MEF2C: variants seen among roughly 807,000 people sequenced by gnomAD.
The protein encoded by MEF2C is myocyte enhancer factor 2C.
MEF2C carries 6 observed loss-of-function variants against 50.5 expected under a neutral mutation model. That is an observed-to-expected ratio of 0.12 (90% CI 0.07 to 0.23). The LOEUF is 0.23. Among genes scored for constraint, MEF2C ranks in the 10% least tolerant of loss-of-function variants. The probability of loss-of-function intolerance (pLI) is 1.00; values close to 1 mark genes in which losing one functional copy is unlikely to be tolerated. For missense variants in MEF2C, 276 were observed against 605.0 expected, an observed-to-expected ratio of 0.46 and a Z score of 5.70; for synonymous variants, 183 against 228.0, an observed-to-expected ratio of 0.80 and a Z score of 1.78.
chr5:88,760,977 T>C lies in MEF2C; in HGVS notation c.402+208A>G, dbSNP rs764312143. 78 of 1,603,966 alleles carry C rather than the reference T, an allele frequency of 4.9e-5. No individual in the cohort carries two copies. The Admixed American group carries it at 1.3e-3, about 27-fold the overall frequency. On this transcript the variant is annotated intron_variant, in intron 4 of 10. Transcript: ENST00000504921. Reference sequence around the variant, plus strand: ...TTATCAGCAGACCAGCCATCTACCTTTGGTACTTACAGGAATTTTATGACT... The same window carrying C: ...TTATCAGCAGACCAGCCATCTACCTCTGGTACTTACAGGAATTTTATGACT...
At chr5:88,769,479 G>A (rs1781456790) in intron 3 of MEF2C, among the ~76,000 whole-genome samples, 1 of 152,178 alleles carries the variant, frequency 6.6e-6, no homozygotes, top group Admixed American at 6.5e-5. Context: ...GGCCTAGAAT[G>A]GGACTGAGAT....
At chr5:88,753,269 C>A (rs888710519) in intron 4 of MEF2C, among the ~76,000 whole-genome samples, 4 of 152,200 alleles carry the variant, frequency 2.6e-5, no homozygotes, top group African/African-American at 9.6e-5. Context: ...TATTAATTTC[C>A]CATTTTTCTT....
In MEF2C at chr5:88,827,973, G is replaced by C. The variant is rs532234421; in HGVS notation, c.-142-4043C>G. Among the ~76,000 whole-genome samples, 164 of 149,690 alleles carry C rather than the reference G, an allele frequency of 1.1e-3. 1 individual carries two copies. The Middle Eastern group carries it at 0.018, about 16-fold the overall frequency. On this transcript the variant is annotated intron_variant, in intron 1 of 10. Coordinates refer to ENST00000504921, the MANE Select transcript of MEF2C (RefSeq NM_002397.5). The stretch of plus-strand genomic sequence containing the variant: ...GATTCTTATGGTTATTGAGTTTCTC[G>C]AGGTTCTTTAAAAAAATTCAAACTA...
chr5:88,746,781 CA>C (rs1370200780), intron 6 of MEF2C: 4 of 767,220 alleles, frequency 5.2e-6, no homozygotes, highest in Non-Finnish European at 6.3e-6. Flanking sequence ...TAGGACATGA[CA>C]GCTAAGCTTG....
chr5:88,827,906 T>C (rs1811555986), intron 1 of MEF2C, among the ~76,000 whole-genome samples: 1 of 134,110 alleles, frequency 7.5e-6, no homozygotes, highest in Non-Finnish European at 1.6e-5. Flanking sequence ...ATTTGTTTGC[T>C]CCCACATTAA....
intron 5 of MEF2C, among the ~76,000 whole-genome samples, chr5:88,749,855 C>G (rs921419727): frequency 6.6e-6 from 1 of 151,956 alleles, no homozygotes; most frequent in African/African-American, 2.4e-5. Flanking sequence ...ACGGTGAAAC[C>G]CTGTCTCTAC....
At chr5:88,860,669 A>G (rs531288250) in intron 1 of MEF2C, among the ~76,000 whole-genome samples, 1 of 152,182 alleles carries the variant, frequency 6.6e-6, no homozygotes, top group Non-Finnish European at 1.5e-5. Context: ...CACATGCATG[A>G]CATTAAGATG....
intron 2 of MEF2C, among the ~76,000 whole-genome samples, chr5:88,813,003 G>GT (rs1803553815): frequency 6.6e-6 from 1 of 152,062 alleles, no homozygotes; most frequent in South Asian, 2.1e-4. Context: ...TTTAATTAAC[G>GT]TAAGGACTGC....
At chr5:88,896,812 T>A (rs1319297535) in intron 1 of MEF2C, among the ~76,000 whole-genome samples, 1 of 152,182 alleles carries the variant, frequency 6.6e-6, no homozygotes, top group Non-Finnish European at 1.5e-5. Flanking sequence ...CTCCCAACTA[T>A]TCCATTTAAC....
At chr5:88,878,185 A>C (rs1308552022) in intron 1 of MEF2C, among the ~76,000 whole-genome samples, 1 of 152,024 alleles carries the variant, frequency 6.6e-6, no homozygotes, top group Non-Finnish European at 1.5e-5. Flanking sequence ...ATACAGAATG[A>C]AGTTCAATCT....
At chr5:88,734,593 T>TA in intron 6 of MEF2C, 1 of 853,872 alleles carries the variant, frequency 1.2e-6, no homozygotes, top group Non-Finnish European at 1.4e-6. Context: ...TTTTTTTTTT[T>TA]TTTTTAGCAT....
Position 88,823,562 on chromosome 5 carries a change from T to C in MEF2C, c.54+173A>G, listed in dbSNP as rs73179423. Among the ~76,000 whole-genome samples, 497 of 152,066 alleles carry C rather than the reference T, an allele frequency of 3.3e-3. 3 individuals are homozygous for C. Among genetic ancestry groups the C allele is most frequent in the African/African-American group, 0.012 (478 of 41,538 alleles). On this transcript the variant is annotated intron_variant, in intron 2 of 10. Transcript: ENST00000504921. Reference sequence around the variant, plus strand: ...ACTATGTTTCTGACAGATAAAGTGATTTTTTTCTCCTTTATATATAAGAGA... The same window carrying C: ...ACTATGTTTCTGACAGATAAAGTGACTTTTTTCTCCTTTATATATAAGAGA...
intron 6 of MEF2C, among the ~76,000 whole-genome samples, chr5:88,747,728 T>C (rs981490259): frequency 6.6e-6 from 1 of 152,102 alleles, no homozygotes; most frequent in Non-Finnish European, 1.5e-5. Context: ...CAGTGAGATA[T>C]TGGGTAAAAC....
At chr5:88,728,466 T>C (rs1759890104) in intron 10 of MEF2C, 27 bp downstream of exon 10, 3 of 1,387,850 alleles carry the variant, frequency 2.2e-6, no homozygotes, top group Non-Finnish European at 2.8e-6. Flanking sequence ...ATTCTAAAAT[T>C]ATATTATAAA....
chr5:88,777,899 CTTTTT>C (rs57841792), intron 3 of MEF2C, among the ~76,000 whole-genome samples: 76 of 77,314 alleles, frequency 9.8e-4, no homozygotes, highest in Non-Finnish European at 7.5e-4. Flanking sequence ...TTTTTCTTTT[CTTTTT>C]TTTTTTTTTT....
rs1561498326 is a variant in MEF2C at position 88,896,736 on chromosome 5, A to T, written c.-240+7180T>A. On this transcript the variant is annotated intron_variant, in intron 1 of 11. Transcript: ENST00000340208. ...TTTGAACACTACTAAAGTAAGAAACATTCTACAACTTTCTTATTCCTTTTG... is the reference window on the plus strand; with the variant it reads ...TTTGAACACTACTAAAGTAAGAAACTTTCTACAACTTTCTTATTCCTTTTG... Among the ~76,000 whole-genome samples the T allele has an allele frequency of 4.6e-5, 7 of 152,218 alleles. No individual in the cohort carries two copies. In the South Asian group the frequency reaches 1.0e-3, roughly 23 times the overall value.
At chr5:88,856,363 T>TA (rs1236269479) in intron 1 of MEF2C, among the ~76,000 whole-genome samples, 4 of 152,180 alleles carry the variant, frequency 2.6e-5, no homozygotes, top group Non-Finnish European at 5.9e-5. Flanking sequence ...AAACACAGCA[T>TA]AAAAGTTCAG....
At chr5:88,758,876 G>A (rs1054777860) in intron 4 of MEF2C, among the ~76,000 whole-genome samples, 5 of 152,096 alleles carry the variant, frequency 3.3e-5, no homozygotes, top group South Asian at 2.1e-4. Context: ...AACTCTTTAC[G>A]TAACAGGCTG....
rs192831616 is a variant in MEF2C, at chr5:88,718,346, G to A, written c.*4258C>T. 1 of 152,186 alleles carries A rather than the reference G, an allele frequency of 6.6e-6. No individual in the cohort carries two copies. Among genetic ancestry groups the A allele is most frequent in the Non-Finnish European group, 1.5e-5 (1 of 68,018 alleles). The allele number at this position is 152,186 out of a possible 1,614,324, so 9.4% of individuals were successfully genotyped here. On this transcript the variant is annotated 3_prime_UTR_variant, in exon 11 of 11. Coordinates refer to ENST00000504921, the MANE Select transcript of MEF2C (RefSeq NM_002397.5). ...AAATTTCCCACTTTTATTCACTACA[G>A]ACAGCTGAATTAAGTCCCTTGAGAT... is the stretch of plus-strand genomic sequence containing the variant.
Sources: allele counts gnomAD v4.1 joint callset (sites outside exome capture counted in the v4.1 genomes callset), GRCh38; gene constraint gnomAD v4.1.1; transcripts MANE v1.5; gene names NCBI Gene and HGNC (gene_info 2026-07-23, HGNC 2026-07-21).